Variants in IQCM observed in about 807,000 individuals in gnomAD.
IQCM encodes the protein IQ motif containing M.
Under a neutral mutation model 57.6 loss-of-function variants are expected in IQCM, and 45 were observed. The observed-to-expected ratio is 0.78, with a 90% CI of 0.62 to 1.00. The LOEUF (loss-of-function observed/expected upper bound fraction) is 1.00, where lower values mean the gene tolerates loss of function less well. Ranked by LOEUF, IQCM falls within the 50% of genes least tolerant of loss-of-function variation. IQCM has a pLI of 0.00. For missense variants in IQCM, 468 were observed against 511.6 expected (o/e 0.91, Z 0.82); for synonymous variants, 148 against 158.9 (o/e 0.93, Z 0.51).
chr4:149,608,750 A>T, intron 8 of IQCM, among the ~76,000 whole-genome samples: 1 of 152,034 alleles, frequency 6.6e-6, no homozygotes, highest in Admixed American at 6.6e-5. Context: ...CCTATGGGAT[A>T]CAGCCAAAGA....
chr4:149,582,097 A>T (rs1752239911), intron 9 of IQCM, among the ~76,000 whole-genome samples: 1 of 150,994 alleles, frequency 6.6e-6, no homozygotes, highest in Admixed American at 6.6e-5. Context: ...TCCTTGCCAC[A>T]TGGAGAAAAA....
At chr4:149,458,698 T>C (rs534364961) in intron 12 of IQCM, among the ~76,000 whole-genome samples, 1 of 152,244 alleles carries the variant, frequency 6.6e-6, no homozygotes, top group Admixed American at 6.6e-5. Context: ...TAGTTTGTTG[T>C]CTTAAACGTT....
intron 3 of IQCM, among the ~76,000 whole-genome samples, chr4:149,742,098 C>T (rs1431539733): frequency 6.6e-6 from 1 of 151,928 alleles, no homozygotes; most frequent in East Asian, 1.9e-4. Flanking sequence ...AAATAAAATA[C>T]ATCTAAATAT....
intron 2 of IQCM, among the ~76,000 whole-genome samples, chr4:149,781,335 T>C (rs538145613): frequency 2.1e-4 from 32 of 152,284 alleles, no homozygotes; most frequent in South Asian, 1.7e-3. Flanking sequence ...CTGTTTTGAG[T>C]AGCATGATGA....
intron 8 of IQCM, among the ~76,000 whole-genome samples, chr4:149,611,616 A>G (rs1005840273): frequency 1.3e-5 from 2 of 152,148 alleles, no homozygotes; most frequent in Non-Finnish European, 2.9e-5. Flanking sequence ...TCACTCACAT[A>G]TGGGAGCTAA....
At chr4:149,754,502 G>A (rs1003337216) in intron 2 of IQCM, among the ~76,000 whole-genome samples, 10 of 152,254 alleles carry the variant, frequency 6.6e-5, no homozygotes, top group East Asian at 1.9e-4. Context: ...TGTCAAAGTC[G>A]CCAATAACTT....
At chr4:149,454,296 A>T (rs2111428785) in intron 12 of IQCM, among the ~76,000 whole-genome samples, 1 of 151,896 alleles carries the variant, frequency 6.6e-6, no homozygotes, top group East Asian at 1.9e-4. Flanking sequence ...CATAAAATAG[A>T]GTGAGATCAT....
At chr4:149,672,757 A>G (rs1761414256) in intron 7 of IQCM, among the ~76,000 whole-genome samples, 1 of 152,120 alleles carries the variant, frequency 6.6e-6, no homozygotes, top group African/African-American at 2.4e-5. Context: ...CCAACATTCA[A>G]ATTCAGGAAA....
chr4:149,745,895 C>T (rs1004422602), intron 2 of IQCM, among the ~76,000 whole-genome samples: 1 of 152,018 alleles, frequency 6.6e-6, no homozygotes. Flanking sequence ...TCAGTTGAGC[C>T]TGGGAGGTCA....
chr4:149,392,902 C>T (rs7673725), intron 13 of IQCM, among the ~76,000 whole-genome samples: 2 of 151,732 alleles, frequency 1.3e-5, no homozygotes, highest in South Asian at 2.1e-4. Context: ...TGGGAGTTGT[C>T]GCTCACACCT....
At chr4:149,442,973 G>C (rs1736121616) in intron 12 of IQCM, among the ~76,000 whole-genome samples, 2 of 151,400 alleles carry the variant, frequency 1.3e-5, no homozygotes, top group African/African-American at 4.9e-5. Flanking sequence ...GAGAGAGAGA[G>C]AGAGAGAGAG....
At chr4:149,514,497 A>G (rs1040813432) in intron 12 of IQCM, 2 of 152,212 alleles carry the variant, frequency 1.3e-5, no homozygotes, top group Non-Finnish European at 2.9e-5. Flanking sequence ...TGACTATCAG[A>G]GGCATAGGAT....
chr4:149,534,407 C>G (rs1747073484), intron 12 of IQCM, among the ~76,000 whole-genome samples: 1 of 152,124 alleles, frequency 6.6e-6, no homozygotes, highest in Non-Finnish European at 1.5e-5. Flanking sequence ...TATTGATGCA[C>G]ATGCTATGCA....
intron 10 of IQCM, among the ~76,000 whole-genome samples, chr4:149,559,742 G>A (rs1273941489): frequency 6.6e-6 from 1 of 152,200 alleles, no homozygotes; most frequent in Non-Finnish European, 1.5e-5. Flanking sequence ...ACTTGTGAGT[G>A]TTAGCACACG....
At chr4:149,571,710 C>T (rs1751179129) in intron 9 of IQCM, among the ~76,000 whole-genome samples, 1 of 151,998 alleles carries the variant, frequency 6.6e-6, no homozygotes, top group Admixed American at 6.6e-5. Flanking sequence ...CATTCCGCAA[C>T]ATATATATAC....
chr4:149,372,853 A>G (rs540609116), intron 13 of IQCM, among the ~76,000 whole-genome samples: 1 of 152,252 alleles, frequency 6.6e-6, no homozygotes, highest in South Asian at 2.1e-4. Context: ...ATCACTTGGC[A>G]TCTACTATAC....
chr4:149,721,805 AC>A (rs1318986081), intron 5 of IQCM, among the ~76,000 whole-genome samples: 2 of 152,094 alleles, frequency 1.3e-5, no homozygotes, highest in African/African-American at 4.8e-5. Context: ...TTGCGTAGAT[AC>A]CCAGTAGTGA....
rs571141234 is a variant in IQCM at position 149,690,001 on chromosome 4, G to A, written c.386-3533C>T. On this transcript the variant is annotated intron_variant, in intron 5 of 13. Coordinates refer to ENST00000636793, the MANE Select transcript of IQCM (RefSeq NM_001363507.2). ...ATACAGCCAGTATGGAAAACAGTGT[G>A]GGGATTCCTTAAAGAACTAAAAGTA... Among the ~76,000 whole-genome samples the A allele has an allele frequency of 5.3e-4, 81 of 152,214 alleles. 1 individual carries two copies. The South Asian group carries it at 0.015, about 28-fold the overall frequency.
chr4:149,597,727 G>T (rs1753912078), intron 8 of IQCM, among the ~76,000 whole-genome samples: 1 of 152,126 alleles, frequency 6.6e-6, no homozygotes, highest in Non-Finnish European at 1.5e-5. Flanking sequence ...GTTTTATACA[G>T]AAATTATAGA....
Sources: gnomAD v4.1 joint callset for allele counts (sites outside exome capture counted in the v4.1 genomes callset) on GRCh38, gnomAD v4.1.1 for gene constraint, MANE v1.5 for transcripts, NCBI Gene and HGNC (gene_info 2026-07-23, HGNC 2026-07-21) for gene names.